The following CCDC149 variants were observed in gnomAD, a reference collection of about 807,000 sequenced individuals.
The protein encoded by CCDC149 is coiled-coil domain containing 149, also known as coiled-coil domain-containing protein 149.
A neutral mutation model predicts 59.9 loss-of-function variants in CCDC149; 45 were observed. The observed-to-expected ratio is 0.75, with a 90% CI of 0.59 to 0.96. CCDC149 has a LOEUF of 0.96. Ranked by LOEUF, CCDC149 falls within the 40% of genes least tolerant of loss-of-function variation. The pLI is 0.00. For synonymous variants in CCDC149, 245 were observed against 260.6 expected, an observed-to-expected ratio of 0.94 and a Z score of 0.58; for missense variants, 584 against 664.7, an observed-to-expected ratio of 0.88 and a Z score of 1.33.
chr4:24,903,874 C>T (rs1215443630), intron 1 of CCDC149, among the ~76,000 whole-genome samples: 2 of 150,854 alleles, frequency 1.3e-5, no homozygotes, highest in Middle Eastern at 3.4e-3. Flanking sequence ...GGTCTGGGCT[C>T]ACTGCAACCT....
At chr4:24,860,687 A>C (rs1229146023) in intron 3 of CCDC149, among the ~76,000 whole-genome samples, 4 of 152,230 alleles carry the variant, frequency 2.6e-5, no homozygotes, top group Non-Finnish European at 4.4e-5. Flanking sequence ...AATCTTTGCA[A>C]ACTATGCATC....
At chr4:24,811,550 C>T (rs1172085568) in intron 12 of CCDC149, among the ~76,000 whole-genome samples, 1 of 152,146 alleles carries the variant, frequency 6.6e-6, no homozygotes, top group Non-Finnish European at 1.5e-5. Flanking sequence ...CATTCATTCC[C>T]TTATAGCTCT....
chr4:24,840,471 CAG>C (rs1716867941), intron 4 of CCDC149, among the ~76,000 whole-genome samples: 2 of 152,312 alleles, frequency 1.3e-5, no homozygotes, highest in South Asian at 4.2e-4. Flanking sequence ...GTCAGACATG[CAG>C]AGAGTGGCAA....
At chr4:24,926,976 G>A (rs1455651039) in intron 1 of CCDC149, among the ~76,000 whole-genome samples, 2 of 152,152 alleles carry the variant, frequency 1.3e-5, no homozygotes, top group Non-Finnish European at 2.9e-5. Flanking sequence ...GAATGTTGCA[G>A]TGGACTAAGC....
chr4:24,812,240 AT>A (rs1419371785), intron 12 of CCDC149, among the ~76,000 whole-genome samples: 1 of 152,226 alleles, frequency 6.6e-6, no homozygotes, highest in African/African-American at 2.4e-5. Flanking sequence ...GAGGGCCAAT[AT>A]TCAACCTCCT....
intron 1 of CCDC149, among the ~76,000 whole-genome samples, chr4:24,950,826 C>A (rs10014308): frequency 0.6 from 91,498 of 152,016 alleles, 28,966 homozygotes; most frequent in Non-Finnish European, 0.72. Context: ...GGTCTGGGGC[C>A]TGTGTAGCCA....
At chr4:24,960,699 G>A (rs1481982419) in intron 1 of CCDC149, among the ~76,000 whole-genome samples, 1 of 152,038 alleles carries the variant, frequency 6.6e-6, no homozygotes, top group African/African-American at 2.4e-5. Flanking sequence ...TTAGCCAAAA[G>A]GATATAAAAA....
chr4:24,974,279 C>G (rs1171323352), intron 1 of CCDC149, among the ~76,000 whole-genome samples: 1 of 152,216 alleles, frequency 6.6e-6, no homozygotes, highest in Non-Finnish European at 1.5e-5. Context: ...ATCCCGCACT[C>G]CCACGTGAAT....
chr4:24,883,688 G>A (rs1336164641), intron 1 of CCDC149, among the ~76,000 whole-genome samples: 5 of 152,128 alleles, frequency 3.3e-5, no homozygotes, highest in Admixed American at 2.0e-4. Flanking sequence ...AATGTGCTAT[G>A]TTAAAGGCTT....
intron 1 of CCDC149, among the ~76,000 whole-genome samples, chr4:24,919,012 T>C (rs1324950671): frequency 1.3e-5 from 2 of 152,228 alleles, no homozygotes; most frequent in Admixed American, 1.3e-4. Flanking sequence ...CAACATATCA[T>C]GTCCCCTGCT....
At chr4:24,910,452 G>T (rs1182045228) in intron 1 of CCDC149, among the ~76,000 whole-genome samples, 3 of 152,106 alleles carry the variant, frequency 2.0e-5, no homozygotes, top group African/African-American at 7.2e-5. Flanking sequence ...GTGGGGAGGT[G>T]GGGGGAGCAG....
intron 12 of CCDC149, among the ~76,000 whole-genome samples, chr4:24,813,508 A>C (rs929040382): frequency 2.7e-4 from 38 of 141,304 alleles, no homozygotes; most frequent in African/African-American, 4.6e-4. Context: ...ATATATATAT[A>C]TATATATATA....
At chr4:24,890,408 C>T (rs913106722) in intron 1 of CCDC149, among the ~76,000 whole-genome samples, 1 of 152,092 alleles carries the variant, frequency 6.6e-6, no homozygotes, top group Admixed American at 6.5e-5. Flanking sequence ...GATTTGAACC[C>T]AAGCCTGTCC....
At chr4:24,846,011 T>C (rs1331466883) in intron 4 of CCDC149, among the ~76,000 whole-genome samples, 2 of 152,240 alleles carry the variant, frequency 1.3e-5, no homozygotes, top group African/African-American at 4.8e-5. Context: ...TCAGAATCAG[T>C]TCTCCACTAG....
chr4:24,929,580 A>G (rs1364634580), intron 1 of CCDC149, among the ~76,000 whole-genome samples: 1 of 152,220 alleles, frequency 6.6e-6, no homozygotes, highest in Non-Finnish European at 1.5e-5. Flanking sequence ...TCAGACCTCA[A>G]CACCCTTTTC....
chr4:24,888,564 C>T (rs1394787835), intron 1 of CCDC149, among the ~76,000 whole-genome samples: 1 of 152,192 alleles, frequency 6.6e-6, no homozygotes, highest in African/African-American at 2.4e-5. Context: ...TTCACCAACC[C>T]TAGATAGACA....
chr4:24,900,292 C>T (rs536097080), intron 1 of CCDC149, among the ~76,000 whole-genome samples: 16 of 152,322 alleles, frequency 1.1e-4, no homozygotes, highest in Middle Eastern at 3.4e-3. Flanking sequence ...TGAGGGCTGT[C>T]CTTCACTCCT....
intron 1 of CCDC149, among the ~76,000 whole-genome samples, chr4:24,878,819 C>T (rs1719647333): frequency 6.6e-6 from 1 of 152,238 alleles, no homozygotes; most frequent in Non-Finnish European, 1.5e-5. Context: ...AGGGCCGCTG[C>T]TGACTGTCAA....
intron 3 of CCDC149, among the ~76,000 whole-genome samples, chr4:24,856,607 A>T (rs1718026534): frequency 6.6e-6 from 1 of 152,194 alleles, no homozygotes; most frequent in Non-Finnish European, 1.5e-5. Context: ...ACCCCATCAC[A>T]TCTCAAAACT....
Sources: gnomAD v4.1 joint callset for allele counts (sites outside exome capture counted in the v4.1 genomes callset) on GRCh38, gnomAD v4.1.1 for gene constraint, MANE v1.5 for transcripts, NCBI Gene and HGNC (gene_info 2026-07-23, HGNC 2026-07-21) for gene names.